FBXL7: variants seen among roughly 807,000 people sequenced by gnomAD.
FBXL7 encodes the protein F-box and leucine rich repeat protein 7, also known as F-box/LRR-repeat protein 7.
FBXL7 carries 12 observed loss-of-function variants against 38.3 expected under a neutral mutation model. The ratio of observed to expected loss-of-function variants is 0.31; its 90% CI spans 0.20 to 0.51. FBXL7 has a LOEUF of 0.51. FBXL7 is among the 20% of genes least tolerant of loss of function. FBXL7 has a pLI of 0.98. For synonymous variants in FBXL7, 297 were observed against 300.9 expected (o/e 0.99, Z 0.13); for missense variants, 567 against 676.4 (o/e 0.84, Z 1.79).
At chr5:15,671,427 G>A (rs998447487) in intron 2 of FBXL7, among the ~76,000 whole-genome samples, 1 of 151,070 alleles carries the variant, frequency 6.6e-6, no homozygotes. Context: ...ACCTACTTAT[G>A]CTAGGTGAGT....
chr5:15,649,851 C>T (rs2126568214), intron 2 of FBXL7, among the ~76,000 whole-genome samples: 1 of 152,300 alleles, frequency 6.6e-6, no homozygotes, highest in East Asian at 1.9e-4. Flanking sequence ...GTAGCTTGTG[C>T]ATTACTTTGA....
chr5:15,599,933 C>CA (rs78360971), intron 1 of FBXL7, among the ~76,000 whole-genome samples: 13,380 of 152,176 alleles, frequency 0.088, 687 homozygotes, highest in South Asian at 0.12. Context: ...CAGAAACAGA[C>CA]ATGTCAAGGG....
rs747621461 is a variant in FBXL7 at position 15,500,731 on chromosome 5, C to T, written c.37+18C>T. 2 of 1,603,748 alleles carry T rather than the reference C, an allele frequency of 1.2e-6. No individual in the cohort carries two copies. The highest frequency in any genetic ancestry group is 3.4e-5 in the Admixed American group (2 of 59,276). Reference sequence around the variant, plus strand: ...CAGTGAGGGTGAGTGGGCCGCCCGTCCTCAGACTCCCGGATCGCGTCCCTC... The same window carrying T: ...CAGTGAGGGTGAGTGGGCCGCCCGTTCTCAGACTCCCGGATCGCGTCCCTC... On this transcript the variant is annotated intron_variant, in intron 1 of 3. Transcript: ENST00000504595.
chr5:15,630,965 T>G (rs1016304273), intron 2 of FBXL7, among the ~76,000 whole-genome samples: 61 of 152,290 alleles, frequency 4.0e-4, no homozygotes, highest in African/African-American at 1.4e-3. Context: ...AATTAAAAAA[T>G]TATTTCCAGT....
intron 2 of FBXL7, among the ~76,000 whole-genome samples, chr5:15,782,178 A>G (rs1396674425): frequency 2.6e-5 from 4 of 152,224 alleles, no homozygotes; most frequent in East Asian, 1.9e-4. Flanking sequence ...TTATGGCTGC[A>G]TAGTATTCCA....
intron 2 of FBXL7, among the ~76,000 whole-genome samples, chr5:15,881,125 G>A (rs759475649): frequency 6.6e-6 from 1 of 151,878 alleles, no homozygotes. Context: ...TGAGATTTTG[G>A]TGCACCCATC....
At chr5:15,541,429 A>ATGTGTGTGTG (rs1269400393) in intron 1 of FBXL7, among the ~76,000 whole-genome samples, 7 of 93,904 alleles carry the variant, frequency 7.5e-5, no homozygotes, top group African/African-American at 3.2e-4. Flanking sequence ...CATATAGTAT[A>ATGTGTGTGTG]TATGTGTGTG....
chr5:15,921,986 C>A (rs1359971752), intron 2 of FBXL7, among the ~76,000 whole-genome samples: 1 of 152,012 alleles, frequency 6.6e-6, no homozygotes. Flanking sequence ...GGCACATACC[C>A]AAAGGAGATG....
intron 1 of FBXL7, among the ~76,000 whole-genome samples, chr5:15,590,665 C>A (rs1739444460): frequency 6.6e-6 from 1 of 152,036 alleles, no homozygotes; most frequent in Non-Finnish European, 1.5e-5. Flanking sequence ...TGCCCCCAAT[C>A]AGGTCTGAGC....
At chr5:15,600,491 G>T (rs1025146314) in intron 1 of FBXL7, among the ~76,000 whole-genome samples, 1 of 152,230 alleles carries the variant, frequency 6.6e-6, no homozygotes, top group South Asian at 2.1e-4. Context: ...GGGGGCCTTA[G>T]AATTTTATTT....
At chr5:15,555,222 A>C (rs147289983) in intron 1 of FBXL7, among the ~76,000 whole-genome samples, 2 of 151,864 alleles carry the variant, frequency 1.3e-5, no homozygotes, top group East Asian at 1.9e-4. Flanking sequence ...AGACACACAC[A>C]CCCCCCACAG....
At chr5:15,881,735 AAC>A (rs1305520654) in intron 2 of FBXL7, among the ~76,000 whole-genome samples, 4 of 152,244 alleles carry the variant, frequency 2.6e-5, no homozygotes, top group African/African-American at 9.6e-5. Context: ...GCCAAGAGCT[AAC>A]ACAGTTAATA....
chr5:15,716,483 G>C (rs1744047347), intron 2 of FBXL7, among the ~76,000 whole-genome samples: 1 of 152,022 alleles, frequency 6.6e-6, no homozygotes, highest in Admixed American at 6.6e-5. Flanking sequence ...CTTTCTCCTT[G>C]GTCCTCCTGG....
chr5:15,772,626 C>A (rs941127142), intron 2 of FBXL7, among the ~76,000 whole-genome samples: 1 of 152,032 alleles, frequency 6.6e-6, no homozygotes, highest in South Asian at 2.1e-4. Flanking sequence ...AATAATAATA[C>A]CCTCTTCATG....
chr5:15,508,949 G>C (rs1160035930), intron 1 of FBXL7, among the ~76,000 whole-genome samples: 1 of 152,210 alleles, frequency 6.6e-6, no homozygotes, highest in African/African-American at 2.4e-5. Flanking sequence ...TGGATACCAA[G>C]TAAACTTACA....
At chr5:15,716,792 T>A (rs1744053460) in intron 2 of FBXL7, among the ~76,000 whole-genome samples, 1 of 152,198 alleles carries the variant, frequency 6.6e-6, no homozygotes, top group African/African-American at 2.4e-5. Context: ...ATTATTTGCG[T>A]CCTTTTTGGA....
At chr5:15,845,502 T>C (rs1738869015) in intron 2 of FBXL7, among the ~76,000 whole-genome samples, 1 of 152,070 alleles carries the variant, frequency 6.6e-6, no homozygotes, top group African/African-American at 2.4e-5. Flanking sequence ...GTATAAATAA[T>C]TGGAAGGAGC....
intron 2 of FBXL7, among the ~76,000 whole-genome samples, chr5:15,699,947 C>T (rs1261366630): frequency 6.6e-5 from 10 of 152,192 alleles, no homozygotes; most frequent in East Asian, 3.9e-4. Context: ...TCACAATGCA[C>T]TTTGACCATA....
intron 2 of FBXL7, among the ~76,000 whole-genome samples, chr5:15,773,042 A>G (rs903762865): frequency 6.6e-6 from 1 of 152,028 alleles, no homozygotes; most frequent in African/African-American, 2.4e-5. Flanking sequence ...CCACAGGTGC[A>G]CATCACACCT....
Sources: gnomAD v4.1 joint callset for allele counts (sites outside exome capture counted in the v4.1 genomes callset) on GRCh38, gnomAD v4.1.1 for gene constraint, MANE v1.5 for transcripts, NCBI Gene and HGNC (gene_info 2026-07-23, HGNC 2026-07-21) for gene names.